TENM1: variants seen among roughly 807,000 people sequenced by gnomAD.
TENM1 encodes teneurin-1.
TENM1 carries 35 observed loss-of-function variants against 174.8 expected under a neutral mutation model. That is an observed-to-expected ratio of 0.20 (90% CI 0.15 to 0.27). TENM1 has a LOEUF of 0.27. Among genes scored for constraint, TENM1 ranks in the 10% least tolerant of loss-of-function variants. The pLI is 1.00. For synonymous variants in TENM1, 781 were observed against 798.7 expected, an observed-to-expected ratio of 0.98 and a Z score of 0.37; for missense variants, 1,633 against 2,130.1, an observed-to-expected ratio of 0.77 and a Z score of 4.59.
intron 29 of TENM1, 69 bp downstream of exon 32, chrX:124,385,606 CTG>C (rs2147591295): frequency 2.0e-6 from 2 of 1,019,928 alleles, no homozygotes; most frequent in African/African-American, 3.8e-5. Context: ...CTATCTCACA[CTG>C]TGGTCAGTAA....
the TENM1 span, among the ~76,000 whole-genome samples, chrX:125,129,011 C>T: frequency 9.0e-6 from 1 of 110,921 alleles, no homozygotes; most frequent in Non-Finnish European, 1.9e-5. Flanking sequence ...CATGATCCAA[C>T]AGGATTAGTG....
chrX:125,000,209 T>A, the TENM1 span, among the ~76,000 whole-genome samples: 4 of 112,194 alleles, frequency 3.6e-5, no homozygotes, highest in South Asian at 1.5e-3. Context: ...TTATTATTCA[T>A]GTTCAGCATA....
intron 13 of TENM1, 43 bp from the exon 17 acceptor site, chrX:124,561,860 T>A: frequency 8.5e-7 from 1 of 1,176,571 alleles, no homozygotes. Context: ...GACATCAGAA[T>A]GGGATTGGCC....
upstream of TENM1, among the ~76,000 whole-genome samples, chrX:124,965,695 C>CAT (rs762218966): frequency 6.9e-4 from 75 of 107,930 alleles, no homozygotes; most frequent in African/African-American, 1.8e-3. Context: ...TGAACATATA[C>CAT]ATATATATAT....
intron 22 of TENM1, among the ~76,000 whole-genome samples, chrX:124,461,834 T>C (rs1334422850): frequency 2.7e-5 from 3 of 111,575 alleles, no homozygotes; most frequent in Admixed American, 9.6e-5. Context: ...GTTACAATAA[T>C]CCATTGTATA....
chrX:125,085,140 C>T, the TENM1 span, among the ~76,000 whole-genome samples: 5 of 109,613 alleles, frequency 4.6e-5, no homozygotes, highest in Admixed American at 9.7e-5. Context: ...AACTACCAAT[C>T]GTTTATTTTA....
At chrX:124,501,746 A>G (rs1269705444) in intron 19 of TENM1, among the ~76,000 whole-genome samples, 1 of 111,176 alleles carries the variant, frequency 9.0e-6, no homozygotes, top group Non-Finnish European at 1.9e-5. Context: ...GGTCTTCCCA[A>G]AGCTGCTCCA....
the TENM1 span, among the ~76,000 whole-genome samples, chrX:124,998,960 T>C: frequency 3.0e-4 from 33 of 111,528 alleles, no homozygotes; most frequent in South Asian, 0.012. Flanking sequence ...TGAGGTTGAA[T>C]TTAAATTTTA....
chrX:124,512,417 T>TG (rs1179559460), intron 18 of TENM1, among the ~76,000 whole-genome samples: 5 of 111,601 alleles, frequency 4.5e-5, no homozygotes, highest in Non-Finnish European at 9.4e-5. Flanking sequence ...AACGCTCACA[T>TG]GGAGTTTTTA....
chrX:124,433,832 T>C (rs1278776934), intron 23 of TENM1, among the ~76,000 whole-genome samples: 1 of 111,970 alleles, frequency 8.9e-6, no homozygotes, highest in Non-Finnish European at 1.9e-5. Flanking sequence ...ACTGCCTCCA[T>C]ACTTTAACTT....
chrX:124,985,032 G>A, the TENM1 span, among the ~76,000 whole-genome samples: 19 of 111,794 alleles, frequency 1.7e-4, no homozygotes, highest in African/African-American at 5.5e-4. Context: ...AAAAATGTCC[G>A]AAGTAACTAA....
At chrX:124,409,118 C>T (rs979860899) in intron 25 of TENM1, among the ~76,000 whole-genome samples, 17 of 109,438 alleles carry the variant, frequency 1.6e-4, no homozygotes, top group East Asian at 2.9e-4. Context: ...TGAATAGTGC[C>T]GCAATAAACA....
chrX:124,893,455 G>A (rs1393027389), intron 3 of TENM1, among the ~76,000 whole-genome samples: 1 of 112,354 alleles, frequency 8.9e-6, no homozygotes, highest in African/African-American at 3.2e-5. Flanking sequence ...AGTGTGTTTG[G>A]AAATTTTGAA....
Position 124,466,739 on chromosome X carries a change from G to A in TENM1, c.3950-13248C>T, listed in dbSNP as rs908204319. On this transcript the variant is annotated intron_variant, in intron 22 of 31. Coordinates refer to ENST00000422452, the Ensembl canonical transcript of TENM1. ...ACCCTTCTTCTGTCCACTCTCCCTG[G>A]AAATGTCCCCAGTTTTACTACTCTG... is the stretch of plus-strand genomic sequence containing the variant. Among the ~76,000 whole-genome samples the A allele has an allele frequency of 2.7e-5, 3 of 111,137 alleles. No homozygotes were observed. The Admixed American group carries it at 2.9e-4, about 11-fold the overall frequency.
chrX:125,021,787 C>T, the TENM1 span, among the ~76,000 whole-genome samples: 16 of 112,546 alleles, frequency 1.4e-4, no homozygotes, highest in East Asian at 4.5e-3. Flanking sequence ...TCACAAAATA[C>T]TGTCCTTCTT....
At chrX:124,732,834 C>T (rs2053593947) in intron 4 of TENM1, among the ~76,000 whole-genome samples, 1 of 111,969 alleles carries the variant, frequency 8.9e-6, no homozygotes. Context: ...CAGAGAGGAG[C>T]AAAAATGCAG....
intron 5 of TENM1, among the ~76,000 whole-genome samples, chrX:124,701,248 C>T (rs1315900440): frequency 1.8e-5 from 2 of 111,310 alleles, no homozygotes; most frequent in South Asian, 3.8e-4. Flanking sequence ...ATAATGGGTA[C>T]GAGAGCCAGA....
intron 3 of TENM1, among the ~76,000 whole-genome samples, chrX:124,788,777 T>A (rs768125490): frequency 8.9e-6 from 1 of 112,593 alleles, no homozygotes; most frequent in Admixed American, 9.3e-5. Flanking sequence ...ATAGCCCCCC[T>A]CATGGCTGCT....
the TENM1 span, among the ~76,000 whole-genome samples, chrX:125,190,161 T>C: frequency 8.9e-6 from 1 of 111,907 alleles, no homozygotes; most frequent in Non-Finnish European, 1.9e-5. Context: ...ACACTCTGTA[T>C]TGTCACTTTC....
Sources: gnomAD v4.1 joint callset for allele counts (sites outside exome capture counted in the v4.1 genomes callset) on GRCh38, gnomAD v4.1.1 for gene constraint, MANE v1.5 for transcripts, NCBI Gene and HGNC (gene_info 2026-07-23, HGNC 2026-07-21) for gene names.